PRPF8: variants seen among roughly 807,000 people sequenced by gnomAD.
The protein encoded by PRPF8 is pre-mRNA-processing-splicing factor 8.
A neutral mutation model predicts 285.9 loss-of-function variants in PRPF8; 64 were observed. The ratio of observed to expected loss-of-function variants is 0.22; its 90% confidence interval spans 0.18 to 0.28. The LOEUF (loss-of-function observed/expected upper bound fraction) is 0.28. PRPF8 is among the 10% of genes least tolerant of loss of function. The probability of loss-of-function intolerance (pLI) is 1.00; values close to 1 mark genes in which losing one functional copy is unlikely to be tolerated. For missense variants in PRPF8, 1,426 were observed against 3,026.7 expected (o/e 0.47, Z 12.41); for synonymous variants, 1,325 against 1,118.2 (o/e 1.18, Z -3.69).
chr17:1,678,484 A>AG (rs1207903019), intron 13 of PRPF8, 34 bp downstream of exon 13: 1 of 1,608,384 alleles, frequency 6.2e-7, no homozygotes, highest in Non-Finnish European at 8.5e-7. Context: ...ACTCTGTCTC[A>AG]AAAAAAAGAA....
chr17:1,659,240 G>T lies in PRPF8; in HGVS notation c.5138+117C>A. The T allele has an allele frequency of 8.5e-7, 1 of 1,175,412 alleles. No homozygotes were observed. The highest frequency in any genetic ancestry group is 1.2e-5 in the South Asian group (1 of 80,938). The allele number at this position is 1,175,412 out of a possible 1,614,324, so 72.8% of individuals were successfully genotyped here. A position where few individuals can be genotyped will look rare whatever the true frequency, so the allele number is the denominator to read the frequency against. ...AGGGTTTCACCATGTTGCCCAGACT[G>T]GTCTCAAACTCCTGAGCTCAGACAA... On this transcript the variant is annotated intron_variant, in intron 32 of 42. Transcript: ENST00000304992. The surrounding 1 kb of genome is among the most constrained non-coding windows in gnomAD (Gnocchi z 5.1).
rs769225645 is a variant in PRPF8, at chr17:1,679,880, A to C, written c.1099-81T>G. 4.7e-5 allele frequency: 72 copies of C among 1,521,366 alleles called. No homozygotes were observed. The highest frequency in any genetic ancestry group is 1.7e-4 in the Middle Eastern group (1 of 5,792). The allele number at this position is 1,521,366 out of a possible 1,614,324, so 94.2% of individuals were successfully genotyped here. A position where few individuals can be genotyped will look rare whatever the true frequency, so the allele number is the denominator to read the frequency against. ...AGATGAGGGAAATTCTCTGGGGCCA[A>C]GCACAAAGCCTGTATCTGCTATGGA... On this transcript the variant is annotated intron_variant, in intron 8 of 42. Coordinates refer to ENST00000304992, the MANE Select transcript of PRPF8 (RefSeq NM_006445.4). The surrounding 1 kb of genome is among the most constrained non-coding windows in gnomAD (Gnocchi z 4.7).
At chr17:1,680,584 T>G in intron 8 of PRPF8, 142 bp downstream of exon 8, 1 of 780,176 alleles carries the variant, frequency 1.3e-6, no homozygotes, top group Admixed American at 2.0e-5. Context: ...AATGCTGAAT[T>G]CTCATATTCG....
chr17:1,677,836 A>C (rs572466111), intron 13 of PRPF8, 142 bp from the exon 14 acceptor site: 2 of 1,106,600 alleles, frequency 1.8e-6, no homozygotes, highest in Admixed American at 2.5e-5. Context: ...AAAAGAAAAA[A>C]AAACTCTGGG....
rs201296304 is a variant in PRPF8 at position 1,673,930 on chromosome 17, A to G, written c.3300-38T>C. Reference sequence around the variant, plus strand: ...AGGTACACTGCTGAGGCCCCAGTACACTGAGATTTGGGACACCCACAAGTC... The same window carrying G: ...AGGTACACTGCTGAGGCCCCAGTACGCTGAGATTTGGGACACCCACAAGTC... On this transcript the variant is annotated intron_variant, in intron 21 of 42. Transcript: ENST00000304992. The surrounding 1 kb of genome is among the most constrained non-coding windows in gnomAD (Gnocchi z 5.5). 7 of 1,606,960 alleles carry G rather than the reference A, an allele frequency of 4.4e-6. No homozygotes were observed. The Admixed American group carries it at 8.3e-5, about 19-fold the overall frequency.
In PRPF8 at chr17:1,650,683, G is replaced by A. The variant is rs770492473; in HGVS notation, c.*119C>T. On this transcript the variant is annotated 3_prime_UTR_variant, in exon 43 of 43. Coordinates refer to ENST00000304992, the MANE Select transcript of PRPF8 (RefSeq NM_006445.4). ...TTTATTCAGGATGACAAGCCATCAG[G>A]AGGTCAACAACACAAGCACAGACAG... 1.8e-6 allele frequency: 2 copies of A among 1,127,840 alleles called. No homozygotes were observed. The highest frequency in any genetic ancestry group is 1.3e-6 in the Non-Finnish European group (1 of 747,086). The allele number at this position is 1,127,840 out of a possible 1,614,324, so 69.9% of individuals were successfully genotyped here. A position where few individuals can be genotyped will look rare whatever the true frequency, so the allele number is the denominator to read the frequency against.
intron 24 of PRPF8, among the ~76,000 whole-genome samples, chr17:1,664,858 T>C (rs1416966685): frequency 2.6e-5 from 4 of 151,826 alleles, no homozygotes; most frequent in Non-Finnish European, 4.4e-5. Context: ...ACACAACATA[T>C]TAAAATGTGA....
At chr17:1,678,084 G>C (rs1351509305) in intron 13 of PRPF8, among the ~76,000 whole-genome samples, 2 of 152,296 alleles carry the variant, frequency 1.3e-5, no homozygotes, top group Admixed American at 6.5e-5. Context: ...GGAGGCCGAG[G>C]AGTGTGGATC....
chr17:1,663,968 T>C (rs538999690), intron 24 of PRPF8, among the ~76,000 whole-genome samples: 36 of 152,306 alleles, frequency 2.4e-4, no homozygotes, highest in African/African-American at 7.5e-4. Context: ...AAATACATTA[T>C]GTAACTAATA....
intron 24 of PRPF8, among the ~76,000 whole-genome samples, chr17:1,669,775 G>A (rs1188104501): frequency 6.6e-6 from 1 of 152,140 alleles, no homozygotes; most frequent in Non-Finnish European, 1.5e-5. Flanking sequence ...TGTTCCTGAA[G>A]GCCTTGGTTC....
In PRPF8 at chr17:1,673,521, C is replaced by T; in HGVS notation, c.3493G>A (p.Val1165Met). 6.2e-7 allele frequency: 1 copy of T among 1,614,226 alleles called. No homozygotes were observed. Among genetic ancestry groups the T allele is most frequent in the Non-Finnish European group, 8.5e-7 (1 of 1,180,040 alleles). Residue 1165 changes from valine (V) to methionine (M), a missense_variant, in exon 23 of 43, where the codon GTG becomes ATG. Physicochemically the swap from Val to Met is conservative, Grantham distance 21. This residue lies in a region of PRPF8 where 148 missense variants were observed against 196.2 expected (regional missense o/e 0.75). Transcript: ENST00000304992. This position sits in a 1 kb window ranked among gnomAD's most constrained non-coding sequence, Gnocchi z 5.5. ...WDIKNRLPRS[V>M]TTVQWENSFV... ...CTGTTCTCCCACTGAACTGTAGTCA[C>T]TGACCGTGGCAAGCGGTTCTTGATG... is the stretch of plus-strand genomic sequence containing the variant.
At chr17:1,671,644 G>C (rs747512671) in intron 24 of PRPF8, among the ~76,000 whole-genome samples, 17 of 152,060 alleles carry the variant, frequency 1.1e-4, no homozygotes, top group Non-Finnish European at 2.2e-4. Context: ...AAGGTCAGGA[G>C]TTCGAGACCA....
Position 1,679,516 on chromosome 17 carries a change from A to AG in PRPF8, c.1289+92dup. The AG allele has an allele frequency of 1.3e-6, 2 of 1,567,534 alleles. No homozygotes were observed. Among genetic ancestry groups the AG allele is most frequent in the East Asian group, 4.5e-5 (2 of 44,696 alleles). On this transcript the variant is annotated intron_variant, in intron 9 of 42. Coordinates refer to ENST00000304992, the MANE Select transcript of PRPF8 (RefSeq NM_006445.4). The surrounding 1 kb of genome is among the most constrained non-coding windows in gnomAD (Gnocchi z 4.7). ...CCATTTTTATGGGAAAAAAAAAAAA[A>AG]GAATTTAAAAAAAAGGCTACATGCC...
intron 37 of PRPF8, chr17:1,655,117 C>T: frequency 3.8e-6 from 2 of 527,630 alleles, no homozygotes; most frequent in Non-Finnish European, 6.9e-6. Context: ...GCCATCGCAC[C>T]CGGCTAACTT....
At chr17:1,668,477 T>C (rs1912121688) in intron 24 of PRPF8, among the ~76,000 whole-genome samples, 1 of 149,256 alleles carries the variant, frequency 6.7e-6, no homozygotes, top group South Asian at 2.2e-4. Flanking sequence ...TTCTCCTGCA[T>C]CAGCCCCCCT....
rs1467838102 is a variant in PRPF8, at chr17:1,651,313, G to C, written c.6651-3C>G. ...GTGTACAGGAGCCTGGCGTGAAGCT[G>C]GGGGAGGAACGAGGACAGAGTAACA... is the stretch of plus-strand genomic sequence containing the variant. On this transcript the variant is annotated splice_polypyrimidine_tract_variant and splice_region_variant and intron_variant, in intron 41 of 42. Coordinates refer to ENST00000304992, the MANE Select transcript of PRPF8 (RefSeq NM_006445.4). This position sits in a 1 kb window ranked among gnomAD's most constrained non-coding sequence, Gnocchi z 5.1. The C allele has an allele frequency of 6.2e-7, 1 of 1,614,128 alleles. No homozygotes were observed.
Position 1,655,462 on chromosome 17 carries a change from T to C in PRPF8, c.5875A>G (p.Thr1959Ala). 5.0e-6 allele frequency: 8 copies of C among 1,614,070 alleles called. No homozygotes were observed. Among genetic ancestry groups the C allele is most frequent in the Non-Finnish European group, 6.8e-6 (8 of 1,179,996 alleles). Residue 1959 changes from threonine to alanine, a missense_variant, in exon 37 of 43, where the codon ACT (threonine) becomes GCT (alanine). Physicochemically the swap from Thr to Ala is moderately conservative, Grantham distance 58. Coordinates refer to ENST00000304992, the MANE Select transcript of PRPF8 (RefSeq NM_006445.4). The stretch of plus-strand genomic sequence containing the variant: ...ATGTGGTGTGGTTCTGTAATAGTAG[T>C]CTTGTCTGGCTTCAGGATCACTTTT... ...RAKVILKPDK[T>A]TITEPHHIWP...
Position 1,661,321 on chromosome 17 carries a change from G to A in PRPF8, c.4288C>T (p.Leu1430=), listed in dbSNP as rs1911667671. 1.9e-6 allele frequency: 3 copies of A among 1,614,202 alleles called. No individual in the cohort carries two copies. The highest frequency in any genetic ancestry group is 1.3e-5 in the African/African-American group (1 of 75,050). The part of the protein sequence containing the change: ...NTLFQKDRHT[L]AYDKGWRVRT... ...ACACGCCAGCCCTTATCATAAGCCA[G>A]TGTGTGCCGGTCCTTCTGGAAGAGG... Residue 1430 remains leucine (L), a synonymous_variant, in exon 27 of 43, where the codon CTG becomes TTG. Transcript: ENST00000304992. The surrounding 1 kb of genome is among the most constrained non-coding windows in gnomAD (Gnocchi z 7.3).
chr17:1,672,846 T>C, intron 24 of PRPF8: 1 of 598,902 alleles, frequency 1.7e-6, no homozygotes, highest in African/African-American at 1.9e-5. Flanking sequence ...TTGCCTTAAT[T>C]TAGAATCATC....
Sources: allele counts gnomAD v4.1 joint callset (sites outside exome capture counted in the v4.1 genomes callset), GRCh38; gene constraint gnomAD v4.1.1; regional missense constraint gnomAD v4.1.1; non-coding constraint Gnocchi (gnomAD v3.1); transcripts MANE v1.5; gene names NCBI Gene and HGNC (gene_info 2026-07-23, HGNC 2026-07-21).